Variants in ENOX2 observed in about 807,000 individuals in gnomAD.
ENOX2 encodes APK1 antigen.
A neutral mutation model predicts 45.0 loss-of-function variants in ENOX2; 36 were observed. That is an observed-to-expected ratio of 0.80 (90% CI 0.61 to 1.06). The LOEUF is 1.06. Among genes scored for constraint, ENOX2 ranks in the 50% least tolerant of loss-of-function variants. The pLI is 0.00. For synonymous variants in ENOX2, 174 were observed against 152.3 expected, an observed-to-expected ratio of 1.14 and a Z score of -1.05; for missense variants, 423 against 462.5, an observed-to-expected ratio of 0.91 and a Z score of 0.78.
At chrX:130,897,738 T>C (rs1255099385) in intron 2 of ENOX2, among the ~76,000 whole-genome samples, 1 of 112,284 alleles carries the variant, frequency 8.9e-6, no homozygotes, top group African/African-American at 3.2e-5. Context: ...AGCAGGGAGC[T>C]GATTTTCAAA....
At chrX:130,701,970 C>T in intron 4 of ENOX2, among the ~76,000 whole-genome samples, 1 of 111,395 alleles carries the variant, frequency 9.0e-6, no homozygotes, top group South Asian at 3.7e-4. Context: ...CCTTTTTTTT[C>T]TCCACCCATT....
intron 2 of ENOX2, among the ~76,000 whole-genome samples, chrX:130,793,722 AC>A (rs781121179): frequency 3.7e-4 from 41 of 112,260 alleles, no homozygotes; most frequent in Admixed American, 3.0e-3. Flanking sequence ...AAAAGTCTGA[AC>A]TAAATCTGTT....
chrX:130,793,073 G>C (rs1006301025), intron 2 of ENOX2, among the ~76,000 whole-genome samples: 7 of 112,353 alleles, frequency 6.2e-5, no homozygotes, highest in Admixed American at 9.4e-5. Flanking sequence ...CAGGTCACTT[G>C]ATCTCTCTCA....
chrX:130,637,198 C>A, intron 11 of ENOX2, 31 bp downstream of exon 11: 1 of 1,179,391 alleles, frequency 8.5e-7, no homozygotes, highest in Non-Finnish European at 1.2e-6. Flanking sequence ...GCTATTCTAC[C>A]CAGAAGCTCA....
At chrX:130,713,623 T>G (rs1246470406) in intron 3 of ENOX2, among the ~76,000 whole-genome samples, 1 of 111,247 alleles carries the variant, frequency 9.0e-6, no homozygotes, top group Non-Finnish European at 1.9e-5. Flanking sequence ...GTTACCTTGG[T>G]CTAGAGTGAA....
intron 2 of ENOX2, among the ~76,000 whole-genome samples, chrX:130,859,358 CA>C (rs999428016): frequency 9.0e-6 from 1 of 110,605 alleles, no homozygotes; most frequent in African/African-American, 3.3e-5. Context: ...CAAAACAAAA[CA>C]AAAAAACAAA....
chrX:130,678,432 T>C (rs1019971763), intron 6 of ENOX2, among the ~76,000 whole-genome samples: 3 of 110,573 alleles, frequency 2.7e-5, no homozygotes, highest in Non-Finnish European at 5.7e-5. Context: ...CATAGTTGCC[T>C]GCCTTTCAGA....
chrX:130,856,974 G>A (rs973951847), intron 2 of ENOX2, among the ~76,000 whole-genome samples: 2 of 111,845 alleles, frequency 1.8e-5, no homozygotes, highest in South Asian at 3.8e-4. Flanking sequence ...AAAGCAGTGC[G>A]TAGAGTGGAA....
chrX:130,902,183 A>G lies in ENOX2; in HGVS notation c.-230-452T>C, dbSNP rs191753814. ...TTAGCGTTTTTTGCACACGTTTGTA[A>G]TAATACAATGATTAATATGGTCTGT... On this transcript the variant is annotated intron_variant, in intron 1 of 14. Coordinates refer to ENST00000394363, the MANE Select transcript of ENOX2 (RefSeq NM_006375.4). 7.2e-5 allele frequency among the ~76,000 whole-genome samples: 8 copies of G among 111,542 alleles called. No individual in the cohort carries two copies. The Admixed American group carries it at 7.6e-4, about 11-fold the overall frequency.
At chrX:130,663,531 C>CAAA (rs771813859) in intron 9 of ENOX2, among the ~76,000 whole-genome samples, 4 of 43,043 alleles carry the variant, frequency 9.3e-5, no homozygotes, top group African/African-American at 9.2e-5. Flanking sequence ...ACTCCGTCTC[C>CAAA]AAAAAAAAAA....
intron 3 of ENOX2, among the ~76,000 whole-genome samples, chrX:130,780,711 G>A (rs2039950997): frequency 9.0e-6 from 1 of 111,538 alleles, no homozygotes; most frequent in South Asian, 3.8e-4. Flanking sequence ...ATCAGTTTTA[G>A]TACAAAAGGA....
chrX:130,830,458 CAGA>C (rs750278937), intron 2 of ENOX2, among the ~76,000 whole-genome samples: 10 of 111,839 alleles, frequency 8.9e-5, no homozygotes, highest in African/African-American at 3.2e-4. Context: ...AAAAAGGTAT[CAGA>C]AGAAGTAGCT....
chrX:130,862,463 C>T (rs1308624026), intron 2 of ENOX2, among the ~76,000 whole-genome samples: 4 of 110,896 alleles, frequency 3.6e-5, no homozygotes, highest in African/African-American at 1.3e-4. Flanking sequence ...TCTCCTAAAC[C>T]TGCCCTATTT....
rs761954070 is a variant in ENOX2, at chrX:130,713,932, C to T, written c.-38-10678G>A. Among the ~76,000 whole-genome samples the T allele has an allele frequency of 1.0e-3, 115 of 110,640 alleles. 1 individual carries two copies. Among genetic ancestry groups the T allele is most frequent in the Middle Eastern group, 4.2e-3 (1 of 238 alleles). On this transcript the variant is annotated intron_variant, in intron 3 of 14. Coordinates refer to ENST00000394363, the MANE Select transcript of ENOX2 (RefSeq NM_006375.4). ...CTAACTGCATTTCAGGTACTGAGCACGCTCTTTAAGTTAATGGCATAGCTG... is the reference window on the plus strand; with the variant it reads ...CTAACTGCATTTCAGGTACTGAGCATGCTCTTTAAGTTAATGGCATAGCTG...
intron 3 of ENOX2, among the ~76,000 whole-genome samples, chrX:130,719,721 G>C (rs1368316383): frequency 8.9e-6 from 1 of 111,758 alleles, no homozygotes; most frequent in Non-Finnish European, 1.9e-5. Flanking sequence ...AAATGCATTA[G>C]GGAAAGAAAT....
At chrX:130,693,815 C>CT (rs1294566228) in intron 4 of ENOX2, among the ~76,000 whole-genome samples, 1 of 111,712 alleles carries the variant, frequency 9.0e-6, no homozygotes, top group African/African-American at 3.3e-5. Context: ...ATACTGTGCC[C>CT]TTTTTCAGGC....
chrX:130,711,602 C>T (rs1434058871), intron 3 of ENOX2, among the ~76,000 whole-genome samples: 1 of 110,988 alleles, frequency 9.0e-6, no homozygotes, highest in Non-Finnish European at 1.9e-5. Flanking sequence ...TTATGCTGGC[C>T]TATATATATA....
intron 3 of ENOX2, among the ~76,000 whole-genome samples, chrX:130,714,909 T>C (rs1284335393): frequency 9.0e-6 from 1 of 111,190 alleles, no homozygotes; most frequent in Non-Finnish European, 1.9e-5. Flanking sequence ...AAGCTGGAGG[T>C]AGTGACTTTA....
intron 2 of ENOX2, among the ~76,000 whole-genome samples, chrX:130,887,992 T>A (rs191083857): frequency 8.9e-6 from 1 of 112,003 alleles, no homozygotes; most frequent in African/African-American, 3.2e-5. Context: ...ATAAAGAAAT[T>A]AAATTCTATT....
Sources: gnomAD v4.1 joint callset for allele counts (sites outside exome capture counted in the v4.1 genomes callset) on GRCh38, gnomAD v4.1.1 for gene constraint, MANE v1.5 for transcripts, NCBI Gene and HGNC (gene_info 2026-07-23, HGNC 2026-07-21) for gene names.